SOX6: variants seen among roughly 807,000 people sequenced by gnomAD.
SOX6 encodes the protein transcription factor SOX-6.
Under a neutral mutation model 97.8 loss-of-function variants are expected in SOX6, and 11 were observed. The ratio of observed to expected loss-of-function variants is 0.11; its 90% CI spans 0.07 to 0.19. The LOEUF (loss-of-function observed/expected upper bound fraction) is 0.19, where lower values mean the gene tolerates loss of function less well. SOX6 is among the 10% of genes least tolerant of loss of function. The probability of loss-of-function intolerance (pLI) is 1.00; values close to 1 mark genes in which losing one functional copy is unlikely to be tolerated. For missense variants in SOX6, 810 were observed against 1,039.5 expected, an observed-to-expected ratio of 0.78 and a Z score of 3.04; for synonymous variants, 360 against 371.4, an observed-to-expected ratio of 0.97 and a Z score of 0.35.
intron 13 of SOX6, among the ~76,000 whole-genome samples, chr11:15,995,396 G>A (rs538728160): frequency 1.3e-5 from 2 of 152,106 alleles, no homozygotes; most frequent in Admixed American, 6.5e-5. Flanking sequence ...CAAGTTCAAC[G>A]TGTGCAGCAG....
At chr11:16,427,002 A>C (rs2133071407) in intron 1 of SOX6, among the ~76,000 whole-genome samples, 1 of 152,088 alleles carries the variant, frequency 6.6e-6, no homozygotes, top group Non-Finnish European at 1.5e-5. Context: ...TAAAGGTAAA[A>C]CCCAAAATTA....
At chr11:16,343,597 T>A (rs1181266722) in intron 1 of SOX6, among the ~76,000 whole-genome samples, 1 of 151,984 alleles carries the variant, frequency 6.6e-6, no homozygotes, top group Admixed American at 6.6e-5. Flanking sequence ...TTTGTTAGAA[T>A]GTTTTCTTAA....
intron 1 of SOX6, among the ~76,000 whole-genome samples, chr11:16,352,191 C>T (rs1333141878): frequency 1.3e-5 from 2 of 151,532 alleles, no homozygotes; most frequent in Non-Finnish European, 2.9e-5. Flanking sequence ...CCAAAATAAT[C>T]AATTTATGTT....
chr11:16,679,402 A>G (rs972877199), intron 3 of SOX6, among the ~76,000 whole-genome samples: 1 of 152,192 alleles, frequency 6.6e-6, no homozygotes, highest in Non-Finnish European at 1.5e-5. Context: ...AAACTAACGA[A>G]CAGAAAGGAA....
intron 4 of SOX6, among the ~76,000 whole-genome samples, chr11:16,513,026 A>T (rs911820010): frequency 8.5e-5 from 13 of 152,212 alleles, no homozygotes; most frequent in African/African-American, 3.1e-4. Flanking sequence ...GCAATGAGAC[A>T]ACCTGAAAAA....
intron 4 of SOX6, among the ~76,000 whole-genome samples, chr11:16,575,959 A>T (rs1452532001): frequency 1.3e-5 from 2 of 152,324 alleles, no homozygotes; most frequent in Non-Finnish European, 1.5e-5. Context: ...AATAAAACAC[A>T]AATCTACCTC....
intron 13 of SOX6, among the ~76,000 whole-genome samples, chr11:15,999,264 T>C (rs1455553588): frequency 6.6e-6 from 1 of 152,140 alleles, no homozygotes; most frequent in Non-Finnish European, 1.5e-5. Flanking sequence ...TCTAATATAC[T>C]GTAACTCTAA....
At chr11:16,476,445 T>C (rs954451463), upstream of SOX6, 2 of 151,672 alleles carry the variant, frequency 1.3e-5, no homozygotes, top group African/African-American at 4.9e-5. Context: ...ATTTATATGC[T>C]TTATTAAAGA....
intron 3 of SOX6, among the ~76,000 whole-genome samples, chr11:16,281,836 CA>C (rs1400880891): frequency 6.6e-6 from 1 of 151,264 alleles, no homozygotes; most frequent in African/African-American, 2.4e-5. Context: ...CTTCAGATTC[CA>C]AAAAAGTCAT....
chr11:16,387,449 A>G (rs1443870655), intron 1 of SOX6, among the ~76,000 whole-genome samples: 1 of 152,136 alleles, frequency 6.6e-6, no homozygotes, highest in African/African-American at 2.4e-5. Flanking sequence ...TGAAAAATCA[A>G]CAATTTACAG....
chr11:16,242,881 T>C (rs771128334), intron 3 of SOX6, among the ~76,000 whole-genome samples: 2 of 152,108 alleles, frequency 1.3e-5, no homozygotes, highest in South Asian at 2.1e-4. Flanking sequence ...GGACCCTTTA[T>C]AGTTTGACCC....
At chr11:16,261,618 T>C (rs1853901232) in intron 3 of SOX6, among the ~76,000 whole-genome samples, 1 of 150,234 alleles carries the variant, frequency 6.7e-6, no homozygotes, top group Non-Finnish European at 1.5e-5. Context: ...TTCTTAATAA[T>C]GGGAGTCTTC....
intron 4 of SOX6, among the ~76,000 whole-genome samples, chr11:16,602,061 G>T (rs371373381): frequency 2.6e-5 from 4 of 152,248 alleles, no homozygotes; most frequent in East Asian, 1.9e-4. Context: ...ATAGGTACTT[G>T]ATACTATTAT....
intron 2 of SOX6, among the ~76,000 whole-genome samples, chr11:16,337,662 A>G (rs1272596833): frequency 6.6e-6 from 1 of 152,086 alleles, no homozygotes; most frequent in East Asian, 1.9e-4. Flanking sequence ...TAACTTTCCA[A>G]CCTTCAAATG....
At chr11:16,175,840 T>C (rs1014246066) in intron 6 of SOX6, among the ~76,000 whole-genome samples, 1 of 151,918 alleles carries the variant, frequency 6.6e-6, no homozygotes, top group Non-Finnish European at 1.5e-5. Flanking sequence ...GACCTTCTGA[T>C]GTCTATACAA....
chr11:16,502,833 G>C (rs932441882), intron 4 of SOX6, among the ~76,000 whole-genome samples: 1 of 152,094 alleles, frequency 6.6e-6, no homozygotes, highest in African/African-American at 2.4e-5. Context: ...CCCACATCTA[G>C]CAAGAGAATT....
chr11:16,091,101 T>C (rs1848676540), intron 9 of SOX6, among the ~76,000 whole-genome samples: 1 of 152,084 alleles, frequency 6.6e-6, no homozygotes. Context: ...ATGGAGTTAA[T>C]TCCATTAGCC....
rs533250797 is a variant in SOX6, at chr11:16,428,331, C to T, written c.-5+47984G>A. Among the ~76,000 whole-genome samples, 130 of 152,052 alleles carry T rather than the reference C, an allele frequency of 8.5e-4. 2 individuals are homozygous for T. The highest frequency in any genetic ancestry group is 7.4e-3 in the Admixed American group (113 of 15,274). On this transcript the variant is annotated intron_variant, in intron 1 of 15. Transcript: ENST00000396356. ...GCTGTGCAGAAGCTCTTTAGTTTAA[C>T]TAGATCCCATTTGTCAATTTTGGCT...
chr11:16,582,496 G>A (rs1848040538), intron 4 of SOX6, among the ~76,000 whole-genome samples: 1 of 151,836 alleles, frequency 6.6e-6, no homozygotes, highest in South Asian at 2.1e-4. Context: ...AACGTTTGTT[G>A]AATTTAATTA....
Sources: allele counts gnomAD v4.1 joint callset (sites outside exome capture counted in the v4.1 genomes callset), GRCh38; gene constraint gnomAD v4.1.1; transcripts MANE v1.5; gene names NCBI Gene and HGNC (gene_info 2026-07-23, HGNC 2026-07-21).